The following KRT72 variants were observed in gnomAD, a reference collection of about 807,000 sequenced individuals.
KRT72 encodes keratin 72.
A neutral mutation model predicts 44.7 loss-of-function variants in KRT72; 44 were observed. The ratio of observed to expected loss-of-function variants is 0.98; its 90% CI spans 0.77 to 1.27. The LOEUF is 1.27. Among genes scored for constraint, KRT72 ranks in the 50% most tolerant of loss-of-function variants. The pLI, the probability that KRT72 is intolerant of heterozygous loss-of-function variation, is 0.00. For missense variants in KRT72, 736 were observed against 667.1 expected (o/e 1.10, Z -1.14); for synonymous variants, 302 against 280.4 (o/e 1.08, Z -0.77).
Position 52,590,922 on chromosome 12 carries a change from C to T in KRT72, c.1003G>A (p.Asp335Asn). 1 of 1,606,906 alleles carries T rather than the reference C, an allele frequency of 6.2e-7. No individual in the cohort carries two copies. The highest frequency in any genetic ancestry group is 8.5e-7 in the Non-Finnish European group (1 of 1,174,952). The change falls in exon 6 of 9, where the codon GAC becomes AAC. Residue 335 changes from aspartate to asparagine, a missense_variant. By Grantham distance (23) the Asp-to-Asn change is conservative. Coordinates refer to ENST00000293745, the MANE Select transcript of KRT72 (RefSeq NM_080747.3). ...LQVTAGQHGD[D>N]LKLTKAEISE... is the part of the protein sequence containing the mutation. ...ATTTCAGCCTTGGTGAGCTTGAGGT[C>T]ATCCCCATGCTGGCCTGCTGTGACC...
Position 52,601,368 on chromosome 12 carries a change from T to A in KRT72, c.85A>T (p.Ser29Cys). The A allele has an allele frequency of 2.6e-6, 4 of 1,543,402 alleles. No individual in the cohort carries two copies. The highest frequency in any genetic ancestry group is 3.5e-6 in the Non-Finnish European group (4 of 1,146,866). ...CSAVLSGGIG[S>C]SSASFRARVK... ...CGGGCCCGGAATGAGGCGGAGCTGC[T>A]GCCGATCCCGCCAGAGAGGACCGCG... Residue 29 changes from serine to cysteine, a missense_variant, in exon 1 of 9, where the codon AGC becomes TGC. Transcript: ENST00000293745.
At position 52,590,966 on chromosome 12, in the gene KRT72, G is replaced by C; in HGVS notation, c.964-5C>G. 1 of 1,585,002 alleles carries C rather than the reference G, an allele frequency of 6.3e-7. No homozygotes were observed. Among genetic ancestry groups the C allele is most frequent in the Non-Finnish European group, 8.6e-7 (1 of 1,160,094 alleles). ...TGTGACCTGCAGCTCCTGGATCTGA[G>C]GTTGGGTGACAAGAGAAGAGGAACA... On this transcript the variant is annotated splice_region_variant and splice_polypyrimidine_tract_variant and intron_variant, in intron 5 of 8. Transcript: ENST00000293745.
In KRT72 at chr12:52,587,016, T is replaced by C. The variant is rs745355599; in HGVS notation, c.1311-36A>G. 3.1e-6 allele frequency: 5 copies of C among 1,605,632 alleles called. No homozygotes were observed. In the Admixed American group the frequency reaches 6.7e-5, roughly 21 times the overall value. The stretch of plus-strand genomic sequence containing the variant: ...AGAAGAAAAACAGGTAAATCCCCCA[T>C]AAATAATCACCCCAACCACCTGGAA... On this transcript the variant is annotated intron_variant, in intron 7 of 8. Transcript: ENST00000293745.
rs868442665 is a variant in KRT72 at position 52,595,582 on chromosome 12, T to C, written c.642-2630A>G. On this transcript the variant is annotated intron_variant, in intron 2 of 8. Coordinates refer to ENST00000293745, the MANE Select transcript of KRT72 (RefSeq NM_080747.3). ...TTCCAATGAAGCTAGAGGGCAGATATTTTCTATATAAATTGAATGAGGTAA... is the reference window on the plus strand; with the variant it reads ...TTCCAATGAAGCTAGAGGGCAGATACTTTCTATATAAATTGAATGAGGTAA... Among the ~76,000 whole-genome samples the C allele has an allele frequency of 2.7e-4, 41 of 152,334 alleles. No individual in the cohort carries two copies. The Middle Eastern group carries it at 0.014, about 51-fold the overall frequency.
chr12:52,593,907 G>T (rs1190421876), intron 2 of KRT72, among the ~76,000 whole-genome samples: 1 of 152,174 alleles, frequency 6.6e-6, no homozygotes, highest in Non-Finnish European at 1.5e-5. Flanking sequence ...TGTTAAGTGG[G>T]TATACAGTTC....
At chr12:52,588,803 C>CT (rs1470355469) in intron 6 of KRT72, among the ~76,000 whole-genome samples, 2 of 66,290 alleles carry the variant, frequency 3.0e-5, no homozygotes, top group Non-Finnish European at 7.8e-5. Context: ...TCAAGACCAG[C>CT]TGGCCAACAT....
chr12:52,600,436 G>A (rs747450728), intron 1 of KRT72, among the ~76,000 whole-genome samples: 9 of 152,242 alleles, frequency 5.9e-5, no homozygotes, highest in Non-Finnish European at 1.2e-4. Flanking sequence ...TCCTTGATAC[G>A]TTTTGGCTGT....
intron 2 of KRT72, among the ~76,000 whole-genome samples, chr12:52,598,487 G>T (rs1940293327): frequency 2.0e-5 from 3 of 152,154 alleles, no homozygotes; most frequent in Admixed American, 1.3e-4. Flanking sequence ...TCTCTTTAAA[G>T]CCAGGATTCA....
At chr12:52,599,923 T>A (rs111529247) in intron 1 of KRT72, among the ~76,000 whole-genome samples, 1 of 151,446 alleles carries the variant, frequency 6.6e-6, no homozygotes, top group Non-Finnish European at 1.5e-5. Context: ...GGGTTGTGAT[T>A]GTAAATGAGA....
chr12:52,602,732 A>G (rs1271097000), upstream of KRT72, among the ~76,000 whole-genome samples: 1 of 152,222 alleles, frequency 6.6e-6, no homozygotes, highest in Admixed American at 6.5e-5. Flanking sequence ...CAGAGTGCTT[A>G]GGGCAAGGCT....
rs1178441623 is a variant in KRT72, at chr12:52,590,834, A to T, written c.1089+2T>A. The T allele has an allele frequency of 1.9e-6, 3 of 1,572,324 alleles. No homozygotes were observed. In the South Asian group the frequency reaches 3.5e-5, roughly 18 times the overall value. On this transcript the variant is annotated splice_donor_variant, in intron 6 of 8. Transcript: ENST00000293745. LOFTEE classifies it high-confidence loss of function. ...TTAGTGGATTAATTTCATAGAACCC[A>T]CCTGCTTCTTCACATTCCCTATCTC...
rs895679229 is a variant in KRT72, at chr12:52,590,687, A to T, written c.1089+149T>A. ...TTACCTACAGTGTGTAGGCTGCTTTATCCCTCCATATCTGTTCAGATCATC... is the reference window on the plus strand; with the variant it reads ...TTACCTACAGTGTGTAGGCTGCTTTTTCCCTCCATATCTGTTCAGATCATC... On this transcript the variant is annotated intron_variant, in intron 6 of 8. Coordinates refer to ENST00000293745, the MANE Select transcript of KRT72 (RefSeq NM_080747.3). The T allele has an allele frequency of 1.6e-5, 11 of 671,116 alleles. No homozygotes were observed. The South Asian group carries it at 2.4e-4, about 14-fold the overall frequency. 41.6% of individuals were successfully genotyped at this position (671,116 alleles called of 1,614,324 possible). A position where few individuals can be genotyped will look rare whatever the true frequency, so the allele number is the denominator to read the frequency against.
At chr12:52,591,865 C>T (rs1467413302) in intron 4 of KRT72, among the ~76,000 whole-genome samples, 1 of 152,170 alleles carries the variant, frequency 6.6e-6, no homozygotes, top group African/African-American at 2.4e-5. Context: ...TCTACATTCT[C>T]ATCCTCAGAA....
At chr12:52,587,917 C>T (rs1592222100) in intron 6 of KRT72, 66 bp from the exon 7 acceptor site, 1 of 1,474,622 alleles carries the variant, frequency 6.8e-7, no homozygotes, top group South Asian at 1.3e-5. Context: ...CTTGGACAAC[C>T]TCCCCTTGTT....
rs145325359 is a variant in KRT72, at chr12:52,601,066, G to C, written c.387C>G (p.Ile129Met). 6.2e-7 allele frequency: 1 copy of C among 1,612,652 alleles called. No homozygotes were observed. Among genetic ancestry groups the C allele is most frequent in the African/African-American group, 1.3e-5 (1 of 74,784 alleles). ...AGGCGAACTTGTTGTTTAGCGCCTT[G>C]ATCTGCTCCCGCTCCTGGGCGCGCA... ...QRVRAQEREQIKALNNKFASF... is the reference protein window; with the variant it reads ...QRVRAQEREQMKALNNKFASF... The change falls in exon 1 of 9, where the codon ATC becomes ATG. Residue 129 changes from isoleucine (I) to methionine (M), a missense_variant. Ile to Met is a conservative substitution (Grantham distance 10). Coordinates refer to ENST00000293745, the MANE Select transcript of KRT72 (RefSeq NM_080747.3).
In KRT72 at chr12:52,599,589, G is replaced by C. The variant is rs555572030; in HGVS notation, c.427-477C>G. ...CACAAAGTTCCTTCATACTTGACCA[G>C]GGTGCACATTTTTAGACTCAATAAC... On this transcript the variant is annotated intron_variant, in intron 1 of 8. Transcript: ENST00000293745. 4.9e-4 allele frequency among the ~76,000 whole-genome samples: 74 copies of C among 152,270 alleles called. 1 individual carries two copies. The highest frequency in any genetic ancestry group is 1.6e-3 in the African/African-American group (67 of 41,546).
At chr12:52,588,802 G>GC (rs34687054) in intron 6 of KRT72, among the ~76,000 whole-genome samples, 52,605 of 151,944 alleles carry the variant, frequency 0.35, 9,782 homozygotes, top group East Asian at 0.59. Flanking sequence ...TTCAAGACCA[G>GC]CTGGCCAACA....
rs754938575 is a variant in KRT72, at chr12:52,587,648, C to T, written c.1293G>A (p.Leu431=). 1 of 1,614,202 alleles carries T rather than the reference C, an allele frequency of 6.2e-7. No homozygotes were observed. Among genetic ancestry groups the T allele is most frequent in the South Asian group, 1.1e-5 (1 of 91,084 alleles). Residue 431 remains leucine, a synonymous_variant, in exon 7 of 9, where the codon CTG becomes CTA. Transcript: ENST00000293745. ...CCCCTCACCTGCACTCCTCGCTCTC[C>T]AGCAGCTTGCGGTAGGTGGCGATCT... ...DMEIATYRKL[L]ESEECRMSGE...
At chr12:52,601,685 T>C, upstream of KRT72, 1 of 550,354 alleles carries the variant, frequency 1.8e-6, no homozygotes, top group South Asian at 2.3e-5. Context: ...TGAATCCCTG[T>C]AAAGTGACCC....
Sources: allele counts gnomAD v4.1 joint callset (sites outside exome capture counted in the v4.1 genomes callset), GRCh38; gene constraint gnomAD v4.1.1; transcripts MANE v1.5; gene names NCBI Gene and HGNC (gene_info 2026-07-23, HGNC 2026-07-21).